The following SLC8A1 variants were observed in gnomAD, a reference collection of about 807,000 sequenced individuals.
SLC8A1 encodes solute carrier family 8 member A1, also known as sodium/calcium exchanger 1.
SLC8A1 carries 18 observed loss-of-function variants against 68.3 expected under a neutral mutation model. The ratio of observed to expected loss-of-function variants is 0.26; its 90% CI spans 0.18 to 0.39. SLC8A1 has a LOEUF of 0.39. Among genes scored for constraint, SLC8A1 ranks in the 10% least tolerant of loss-of-function variants. The probability of loss-of-function intolerance (pLI) is 1.00; values close to 1 mark genes in which losing one functional copy is unlikely to be tolerated. For missense variants in SLC8A1, 985 were observed against 1,156.7 expected (o/e 0.85, Z 2.15); for synonymous variants, 475 against 415.5 (o/e 1.14, Z -1.74).
intron 4 of SLC8A1, among the ~76,000 whole-genome samples, chr2:40,165,756 G>C (rs1051491885): frequency 6.6e-6 from 1 of 152,072 alleles, no homozygotes. Flanking sequence ...AGGACGGTGG[G>C]TGCTGAGGAA....
chr2:40,139,599 C>A, exon 7 of SLC8A1: 1 of 1,614,154 alleles, frequency 6.2e-7, no homozygotes, highest in Non-Finnish European at 8.5e-7. Flanking sequence ...TTCCAGAACA[C>A]AGTCAGAAAG....
chr2:40,378,611 G>A (rs1350799079), intron 2 of SLC8A1, among the ~76,000 whole-genome samples: 1 of 152,092 alleles, frequency 6.6e-6, no homozygotes, highest in Admixed American at 6.6e-5. Flanking sequence ...AAGTCAGAGT[G>A]TTCATATAGC....
chr2:40,207,751 T>C (rs1382173357), intron 2 of SLC8A1, among the ~76,000 whole-genome samples: 2 of 152,150 alleles, frequency 1.3e-5, no homozygotes, highest in Admixed American at 1.3e-4. Context: ...TTTAACGGTG[T>C]GTAGTGCCAG....
intron 7 of SLC8A1, among the ~76,000 whole-genome samples, chr2:40,122,212 ACACACACACACACGTGTGCGCGCG>A (rs1558434564): frequency 8.1e-5 from 12 of 147,254 alleles, no homozygotes; most frequent in African/African-American, 2.5e-4. Flanking sequence ...GCGCGCACAC[ACACACACACACACGTGTGCGCGCG>A]CACACACACA....
At chr2:40,198,938 A>AG (rs67685041) in intron 2 of SLC8A1, among the ~76,000 whole-genome samples, 1 of 35,618 alleles carries the variant, frequency 2.8e-5, no homozygotes, top group African/African-American at 6.7e-5. Context: ...TAATTTAAGG[A>AG]AAAAAAAAAA....
At chr2:40,384,922 C>G (rs1026121362) in intron 2 of SLC8A1, among the ~76,000 whole-genome samples, 7 of 152,038 alleles carry the variant, frequency 4.6e-5, no homozygotes, top group Non-Finnish European at 7.4e-5. Flanking sequence ...TGTAATTTCA[C>G]AAGGATTGCA....
At chr2:40,366,044 G>A (rs1266399514) in intron 2 of SLC8A1, among the ~76,000 whole-genome samples, 1 of 151,648 alleles carries the variant, frequency 6.6e-6, no homozygotes, top group East Asian at 1.9e-4. Flanking sequence ...TTTGGATCCA[G>A]AGAACTAGGA....
intron 2 of SLC8A1, among the ~76,000 whole-genome samples, chr2:40,304,201 C>T (rs918552621): frequency 1.3e-5 from 2 of 152,170 alleles, no homozygotes; most frequent in Admixed American, 1.3e-4. Context: ...CTGACAAATG[C>T]TGTCATAACT....
chr2:40,326,513 C>T (rs1157108684), intron 2 of SLC8A1, among the ~76,000 whole-genome samples: 1 of 152,104 alleles, frequency 6.6e-6, no homozygotes, highest in Non-Finnish European at 1.5e-5. Flanking sequence ...CCTTTCTTCT[C>T]TGCCTTGGTC....
intron 2 of SLC8A1, among the ~76,000 whole-genome samples, chr2:40,380,595 G>C (rs878915550): frequency 3.9e-5 from 6 of 152,054 alleles, no homozygotes; most frequent in Admixed American, 3.3e-4. Context: ...GGTTCCACCA[G>C]CTGCACTTGA....
chr2:40,455,110 T>C (rs181582590), upstream of SLC8A1, among the ~76,000 whole-genome samples: 1 of 152,318 alleles, frequency 6.6e-6, no homozygotes, highest in East Asian at 1.9e-4. Flanking sequence ...TCACTAAGAT[T>C]TGATATATTC....
At chr2:40,109,416 G>A (rs2125048172) in exon 8 of SLC8A1, 1 of 152,234 alleles carries the variant, frequency 6.6e-6, no homozygotes, top group East Asian at 1.9e-4. Flanking sequence ...CAGCACTGAA[G>A]CATAATAAAT....
At chr2:40,505,968 G>T (rs1173292880) in intron 1 of SLC8A1, among the ~76,000 whole-genome samples, 1 of 151,884 alleles carries the variant, frequency 6.6e-6, no homozygotes, top group Non-Finnish European at 1.5e-5. Context: ...CTCTTTGTCT[G>T]GTTTCTAAAC....
chr2:40,229,833 G>T (rs1221322732), intron 2 of SLC8A1, among the ~76,000 whole-genome samples: 1 of 152,164 alleles, frequency 6.6e-6, no homozygotes, highest in Non-Finnish European at 1.5e-5. Context: ...TGTAAAAAAA[G>T]TATTAGGCAA....
chr2:40,191,525 T>C (rs1213326371), intron 2 of SLC8A1, among the ~76,000 whole-genome samples: 1 of 152,208 alleles, frequency 6.6e-6, no homozygotes, highest in Non-Finnish European at 1.5e-5. Flanking sequence ...AAATGTGTTT[T>C]GCTTTCTTTC....
chr2:40,379,251 C>G (rs949585142), intron 2 of SLC8A1, among the ~76,000 whole-genome samples: 1 of 152,120 alleles, frequency 6.6e-6, no homozygotes. Flanking sequence ...AATCTCTAAG[C>G]TTCCAGGTCA....
At chr2:40,123,619 G>C (rs562084131) in intron 7 of SLC8A1, among the ~76,000 whole-genome samples, 37 of 152,202 alleles carry the variant, frequency 2.4e-4, no homozygotes, top group Non-Finnish European at 5.0e-4. Context: ...GAATGAACTT[G>C]CTTTTAAAAT....
chr2:40,351,887 A>G (rs977193074), intron 2 of SLC8A1, among the ~76,000 whole-genome samples: 11 of 152,190 alleles, frequency 7.2e-5, no homozygotes, highest in African/African-American at 2.7e-4. Context: ...AAGGTGATGT[A>G]CGACAATTTC....
intron 6 of SLC8A1, among the ~76,000 whole-genome samples, chr2:40,145,705 T>C (rs1004988371): frequency 8.5e-5 from 13 of 152,214 alleles, no homozygotes; most frequent in African/African-American, 3.1e-4. Context: ...ATTCAATTGA[T>C]ACATTTTTGT....
Sources: gnomAD v4.1 joint callset for allele counts (sites outside exome capture counted in the v4.1 genomes callset) on GRCh38, gnomAD v4.1.1 for gene constraint, MANE v1.5 for transcripts, NCBI Gene and HGNC (gene_info 2026-07-23, HGNC 2026-07-21) for gene names.